The following SLC35F4 variants were observed in gnomAD, a reference collection of about 807,000 sequenced individuals.
SLC35F4 encodes chromosome 14 open reading frame 36.
SLC35F4 carries 24 observed loss-of-function variants against 44.2 expected under a neutral mutation model. The observed-to-expected ratio is 0.54, with a 90% CI of 0.39 to 0.76. The LOEUF is 0.76. Among genes scored for constraint, SLC35F4 ranks in the 30% least tolerant of loss-of-function variants. The probability of loss-of-function intolerance (pLI) is 0.00; values close to 1 mark genes in which losing one functional copy is unlikely to be tolerated. For synonymous variants in SLC35F4, 238 were observed against 223.6 expected, an observed-to-expected ratio of 1.06 and a Z score of -0.57; for missense variants, 562 against 586.1, an observed-to-expected ratio of 0.96 and a Z score of 0.42.
intron 1 of SLC35F4, among the ~76,000 whole-genome samples, chr14:57,895,026 A>T (rs1042776992): frequency 1.3e-5 from 2 of 152,150 alleles, no homozygotes; most frequent in African/African-American, 4.8e-5. Context: ...TGAGTGCCTA[A>T]TTTGGGCAGT....
intron 1 of SLC35F4, among the ~76,000 whole-genome samples, chr14:57,746,680 C>T (rs1479571194): frequency 6.6e-6 from 1 of 151,860 alleles, no homozygotes; most frequent in Admixed American, 6.6e-5. Context: ...TGTAGTGATT[C>T]TTGTGTTTTG....
At chr14:57,924,784 C>G (rs1057272153) in intron 1 of SLC35F4, among the ~76,000 whole-genome samples, 2 of 149,784 alleles carry the variant, frequency 1.3e-5, no homozygotes, top group African/African-American at 2.5e-5. Context: ...TCCTTTCTTT[C>G]TTTTTTTTCT....
At chr14:57,669,860 G>A (rs1420276208) in intron 1 of SLC35F4, among the ~76,000 whole-genome samples, 1 of 152,066 alleles carries the variant, frequency 6.6e-6, no homozygotes, top group Non-Finnish European at 1.5e-5. Flanking sequence ...GAGTTAGGGA[G>A]GATTCTCTCT....
At chr14:57,827,309 G>A (rs1026721567) in intron 1 of SLC35F4, among the ~76,000 whole-genome samples, 2 of 152,124 alleles carry the variant, frequency 1.3e-5, no homozygotes, top group Admixed American at 6.6e-5. Flanking sequence ...GCTGAATGAT[G>A]AGAACAGGGA....
At chr14:57,750,638 C>A (rs982156193) in intron 1 of SLC35F4, among the ~76,000 whole-genome samples, 1 of 152,120 alleles carries the variant, frequency 6.6e-6, no homozygotes, top group Admixed American at 6.5e-5. Flanking sequence ...CAATGTTGAA[C>A]ATTTTTTGCA....
chr14:57,702,166 T>A (rs1020440152), intron 1 of SLC35F4, among the ~76,000 whole-genome samples: 28 of 152,164 alleles, frequency 1.8e-4, no homozygotes, highest in African/African-American at 6.8e-4. Flanking sequence ...CCCTTGTTAC[T>A]CATCCTTGTA....
intron 1 of SLC35F4, among the ~76,000 whole-genome samples, chr14:57,616,559 C>G (rs747726206): frequency 5.3e-5 from 8 of 152,146 alleles, no homozygotes; most frequent in Non-Finnish European, 8.8e-5. Flanking sequence ...TGAAGACCAG[C>G]CTTCTAGGGA....
rs41450450 is a variant in SLC35F4 at position 57,970,174 on chromosome 14, A to G, written n.282+11739T>C. ...GTATATAGTTCCTGACTTATCAACTAGCATGAAATTTAACCAATTAGCTTT... is the reference window on the plus strand; with the variant it reads ...GTATATAGTTCCTGACTTATCAACTGGCATGAAATTTAACCAATTAGCTTT... On this transcript the variant is annotated intron_variant and non_coding_transcript_variant, in intron 1 of 1. Transcript: ENST00000556568. Among the ~76,000 whole-genome samples the G allele has an allele frequency of 5.9e-3, 904 of 152,360 alleles. 7 individuals are homozygous for G. The highest frequency in any genetic ancestry group is 0.021 in the African/African-American group (863 of 41,586).
chr14:57,598,791 G>A (rs1050841733), intron 1 of SLC35F4, among the ~76,000 whole-genome samples: 14 of 152,134 alleles, frequency 9.2e-5, no homozygotes, highest in Non-Finnish European at 1.9e-4. Flanking sequence ...GCCCCAAATC[G>A]TGAAGCAAAC....
intron 1 of SLC35F4, among the ~76,000 whole-genome samples, chr14:57,930,040 TA>T (rs1889665419): frequency 6.6e-6 from 1 of 152,278 alleles, no homozygotes; most frequent in East Asian, 1.9e-4. Context: ...TTTTCACCTC[TA>T]AAAAAACTTC....
At chr14:57,781,886 G>C (rs749647418) in intron 1 of SLC35F4, among the ~76,000 whole-genome samples, 6 of 152,106 alleles carry the variant, frequency 3.9e-5, no homozygotes, top group Non-Finnish European at 5.9e-5. Flanking sequence ...ACAAAGAGAG[G>C]AACAACAGAC....
chr14:57,849,963 C>T (rs1448207932), intron 1 of SLC35F4, among the ~76,000 whole-genome samples: 1 of 152,186 alleles, frequency 6.6e-6, no homozygotes, highest in Non-Finnish European at 1.5e-5. Context: ...TCTGGAGCCA[C>T]AGATAAAGAT....
At chr14:57,743,369 G>A (rs576778885) in intron 1 of SLC35F4, among the ~76,000 whole-genome samples, 11 of 151,930 alleles carry the variant, frequency 7.2e-5, no homozygotes, top group South Asian at 4.2e-4. Flanking sequence ...TCAAATAGAC[G>A]CAACAAAAAA....
Position 57,594,132 on chromosome 14 carries a change from G to A in SLC35F4, c.104-8C>T. On this transcript the variant is annotated splice_polypyrimidine_tract_variant and splice_region_variant and intron_variant, in intron 1 of 7. Transcript: ENST00000556826. The stretch of plus-strand genomic sequence containing the variant: ...CTGATGATCTGGAGGTACCTGGAAA[G>A]ACAGAGTTCACGCCAGTTTGAGAAC... 1.2e-6 allele frequency: 2 copies of A among 1,612,452 alleles called. No individual in the cohort carries two copies. Among genetic ancestry groups the A allele is most frequent in the Non-Finnish European group, 1.7e-6 (2 of 1,179,166 alleles).
At chr14:57,930,226 G>T (rs140849198) in intron 1 of SLC35F4, among the ~76,000 whole-genome samples, 1 of 152,188 alleles carries the variant, frequency 6.6e-6, no homozygotes, top group Non-Finnish European at 1.5e-5. Context: ...GTTCACAAGA[G>T]ATCATTGAGC....
chr14:57,739,398 G>C (rs1324477291), intron 1 of SLC35F4, among the ~76,000 whole-genome samples: 1 of 152,154 alleles, frequency 6.6e-6, no homozygotes, highest in Non-Finnish European at 1.5e-5. Flanking sequence ...TTCTTTGCAT[G>C]ATAAGAGTAA....
intron 1 of SLC35F4, among the ~76,000 whole-genome samples, chr14:57,977,206 T>C (rs1881244357): frequency 6.6e-6 from 1 of 152,202 alleles, no homozygotes; most frequent in African/African-American, 2.4e-5. Flanking sequence ...TTGAGTGCTC[T>C]AATTTATATA....
chr14:57,754,132 T>C (rs113901013), intron 1 of SLC35F4, among the ~76,000 whole-genome samples: 2,032 of 136,904 alleles, frequency 0.015, 70 homozygotes, highest in African/African-American at 0.054. Context: ...GAGATGAGTC[T>C]CAGTCTGTCA....
Position 57,734,961 on chromosome 14 carries a change from G to T in SLC35F4, c.103+130762C>A, listed in dbSNP as rs891259091. Among the ~76,000 whole-genome samples the T allele has an allele frequency of 3.3e-5, 5 of 152,158 alleles. No homozygotes were observed. The East Asian group carries it at 9.7e-4, about 29-fold the overall frequency. On this transcript the variant is annotated intron_variant, in intron 1 of 7. Coordinates refer to ENST00000556826, the MANE Select transcript of SLC35F4 (RefSeq NM_001306087.2). ...CTCTGACTTCCAATATACTCTCCCA[G>T]TTAGGAAAAATTTTAACAGCTACAT... is the stretch of plus-strand genomic sequence containing the variant.
Sources: gnomAD v4.1 joint callset for allele counts (sites outside exome capture counted in the v4.1 genomes callset) on GRCh38, gnomAD v4.1.1 for gene constraint, MANE v1.5 for transcripts, NCBI Gene and HGNC (gene_info 2026-07-23, HGNC 2026-07-21) for gene names.